The following XRCC3 variants were observed in gnomAD, a reference collection of about 807,000 sequenced individuals.
The protein encoded by XRCC3 is DNA repair protein XRCC3.
In XRCC3, 34 loss-of-function variants were observed where a neutral mutation model predicts 29.2. The observed-to-expected ratio is 1.16, with a 90% CI of 0.88 to 1.55. XRCC3 has a LOEUF of 1.55. Ranked by LOEUF, XRCC3 falls within the 40% of genes most tolerant of loss-of-function variation. The pLI, the probability that XRCC3 is intolerant of heterozygous loss-of-function variation, is 0.00. For missense variants in XRCC3, 463 were observed against 467.6 expected, an observed-to-expected ratio of 0.99 and a Z score of 0.09; for synonymous variants, 223 against 211.3, an observed-to-expected ratio of 1.06 and a Z score of -0.48.
intron 1 of XRCC3, among the ~76,000 whole-genome samples, chr14:103,714,516 G>A (rs115223671): frequency 0.018 from 2,700 of 151,622 alleles, 92 homozygotes; most frequent in African/African-American, 0.063. Context: ...TGGCGCTTGC[G>A]GTCCCAGCTA....
chr14:103,700,336 C>G (rs1467435816), intron 7 of XRCC3: 1 of 311,782 alleles, frequency 3.2e-6, no homozygotes, highest in Non-Finnish European at 5.9e-6. Flanking sequence ...GGCAGGTGTC[C>G]TCGGCCTCCC....
intron 1 of XRCC3, chr14:103,713,629 G>C (rs2083707004): frequency 6.6e-6 from 1 of 152,412 alleles, no homozygotes; most frequent in Non-Finnish European, 1.5e-5. Context: ...CGTGGTTACT[G>C]CCTGGAGCTG....
chr14:103,710,564 C>T (rs780669008), intron 4 of XRCC3: 7 of 162,106 alleles, frequency 4.3e-5, no homozygotes, highest in East Asian at 1.8e-4. Context: ...AACAGTGAAA[C>T]CCTGTCTCTA....
rs762177393 is a variant in XRCC3 at position 103,698,793 on chromosome 14, C to T, written c.*5G>A. The T allele has an allele frequency of 6.9e-6, 11 of 1,589,614 alleles. No homozygotes were observed. In the South Asian group the frequency reaches 1.1e-4, roughly 16 times the overall value. Reference sequence around the variant, plus strand: ...AGGCAGGGCTGTTGTGCAGCCGCCACCGTGTCAGTGGGACTGGGTCCCAGG... The same window carrying T: ...AGGCAGGGCTGTTGTGCAGCCGCCATCGTGTCAGTGGGACTGGGTCCCAGG... On this transcript the variant is annotated 3_prime_UTR_variant, in exon 10 of 10. Coordinates refer to ENST00000555055, the MANE Select transcript of XRCC3 (RefSeq NM_005432.4).
At chr14:103,710,810 T>C (rs949581829) in intron 4 of XRCC3, 9 of 573,460 alleles carry the variant, frequency 1.6e-5, no homozygotes, top group Non-Finnish European at 2.8e-5. Context: ...ATGTATTACT[T>C]TGATAAAAAT....
chr14:103,712,969 CTG>C (rs1298626891), intron 1 of XRCC3, 38 bp from the exon 2 acceptor site: 2 of 152,370 alleles, frequency 1.3e-5, no homozygotes, highest in East Asian at 3.9e-4. Context: ...GGCTCAAAGT[CTG>C]TTTAGTGACG....
rs566655808 is a variant in XRCC3 at position 103,706,948 on chromosome 14, C to T, written c.406+55G>A. ...CCCACCTCAACGGAAAGCTGTCCCACACAAAGCAGGGGCCGCCCACCTGCC... is the reference window on the plus strand; with the variant it reads ...CCCACCTCAACGGAAAGCTGTCCCATACAAAGCAGGGGCCGCCCACCTGCC... On this transcript the variant is annotated intron_variant, in intron 6 of 9. Coordinates refer to ENST00000555055, the MANE Select transcript of XRCC3 (RefSeq NM_005432.4). 8.8e-5 allele frequency: 134 copies of T among 1,527,156 alleles called. No individual in the cohort carries two copies. The African/African-American group carries it at 1.6e-3, about 18-fold the overall frequency. 94.6% of individuals were successfully genotyped at this position (1,527,156 alleles called of 1,614,324 possible). A position where few individuals can be genotyped will look rare whatever the true frequency, so the allele number is the denominator to read the frequency against.
chr14:103,701,305 C>A, intron 7 of XRCC3: 1 of 1,231,954 alleles, frequency 8.1e-7, no homozygotes, highest in Non-Finnish European at 1.1e-6. Context: ...GGAGCCGCAG[C>A]GCTCACTCAT....
At chr14:103,706,144 C>T in intron 6 of XRCC3, 1 of 355,932 alleles carries the variant, frequency 2.8e-6, no homozygotes, top group Non-Finnish European at 5.6e-6. Context: ...ACCCCTCACC[C>T]TCCACCCAGC....
intron 6 of XRCC3, chr14:103,703,565 A>G: frequency 1.8e-6 from 1 of 555,564 alleles, no homozygotes; most frequent in Admixed American, 2.9e-5. Flanking sequence ...TCTGACACCC[A>G]GGCAAGGACT....
chr14:103,703,388 CA>C lies in XRCC3; in HGVS notation c.407-62del, dbSNP rs1256912268. The C allele has an allele frequency of 2.0e-6, 3 of 1,502,916 alleles. No homozygotes were observed. The African/African-American group carries it at 4.1e-5, about 21-fold the overall frequency. The allele number at this position is 1,502,916 out of a possible 1,614,324, so 93.1% of individuals were successfully genotyped here. On this transcript the variant is annotated intron_variant, in intron 6 of 9. Coordinates refer to ENST00000555055, the MANE Select transcript of XRCC3 (RefSeq NM_005432.4). ...TCCAGACGGGCCTGTGACTGCCACA[CA>C]AATCAAGTGCAGATGTCTCCCGCCA... is the stretch of plus-strand genomic sequence containing the variant.
In XRCC3 at chr14:103,707,152, C is replaced by T. The variant is rs953627555; in HGVS notation, c.257G>A (p.Cys86Tyr). 2 of 1,549,574 alleles carry T rather than the reference C, an allele frequency of 1.3e-6. No individual in the cohort carries two copies. Among genetic ancestry groups the T allele is most frequent in the African/African-American group, 2.7e-5 (2 of 73,164 alleles). The change falls in exon 6 of 10, where the codon TGC (cysteine) becomes TAC (tyrosine). Residue 86 changes from cysteine (C) to tyrosine (Y), a missense_variant. Physicochemically the swap from Cys to Tyr is radical, Grantham distance 194 (BLOSUM62 -2). Coordinates refer to ENST00000555055, the MANE Select transcript of XRCC3 (RefSeq NM_005432.4). ...GCGGAGCAGCGCGTCCAGCACCGGG[C>T]AGCCCAGGCTCAGGCGCTGGTGCTG... ...PTQHQRLSLGCPVLDALLRGG... is the reference protein window; with the variant it reads ...PTQHQRLSLGYPVLDALLRGG...
rs372174239 is a variant in XRCC3, at chr14:103,702,202, C to CTGCT, written c.561+967_561+970dup. ...TCCACTGGCCCCCGGTGAGTGGCCC[C>CTGCT]TGCTCTCTGCAAGGCCCTGCCATAG... is the stretch of plus-strand genomic sequence containing the variant. On this transcript the variant is annotated intron_variant, in intron 7 of 9. Transcript: ENST00000555055. 5.4e-3 allele frequency: 832 copies of CTGCT among 152,738 alleles called. 11 individuals carry two copies. The highest frequency in any genetic ancestry group is 0.019 in the African/African-American group (789 of 41,572). The allele number at this position is 152,738 out of a possible 1,614,324, so 9.5% of individuals were successfully genotyped here. A position where few individuals can be genotyped will look rare whatever the true frequency, so the allele number is the denominator to read the frequency against.
intron 7 of XRCC3, chr14:103,700,769 G>C (rs1450105684): frequency 6.7e-7 from 1 of 1,482,594 alleles, no homozygotes; most frequent in Non-Finnish European, 9.2e-7. Flanking sequence ...AGGCAGCTGG[G>C]CCAGGGAGGG....
At chr14:103,707,538 A>T (rs1257735674) in intron 5 of XRCC3, 1 of 456,050 alleles carries the variant, frequency 2.2e-6, no homozygotes, top group African/African-American at 2.0e-5. Flanking sequence ...AACAGCCTCC[A>T]TGTGAAGAAA....
intron 4 of XRCC3, chr14:103,709,775 T>C (rs980500619): frequency 1.1e-4 from 16 of 152,242 alleles, no homozygotes; most frequent in African/African-American, 3.4e-4. Flanking sequence ...TCTGGAAACA[T>C]TGGTTTTTGG....
At chr14:103,702,848 C>T (rs994893026) in intron 7 of XRCC3, 4 of 382,708 alleles carry the variant, frequency 1.0e-5, no homozygotes, top group African/African-American at 6.2e-5. Context: ...CCCTGCTCTC[C>T]GTATCCAGTC....
rs1393196612 is a variant in XRCC3 at position 103,707,154 on chromosome 14, GC to G, written c.254del (p.Gly85AlafsTer110). 1.3e-6 allele frequency: 2 copies of G among 1,549,490 alleles called. No individual in the cohort carries two copies. Among genetic ancestry groups the G allele is most frequent in the Non-Finnish European group, 1.7e-6 (2 of 1,146,810 alleles). On this transcript the variant is annotated frameshift_variant, in exon 6 of 10. Coordinates refer to ENST00000555055, the MANE Select transcript of XRCC3 (RefSeq NM_005432.4). LOFTEE classifies it high-confidence loss of function. ...FPTQHQRLSL[G>X]CPVLDALLRG... ...GGAGCAGCGCGTCCAGCACCGGGCA[GC>G]CCAGGCTCAGGCGCTGGTGCTGCGT...
chr14:103,699,052 G>C, intron 9 of XRCC3, 35 bp from the exon 10 acceptor site: 3 of 1,566,156 alleles, frequency 1.9e-6, no homozygotes, highest in Non-Finnish European at 2.6e-6. Context: ...TGGCGCTCAG[G>C]CTTGGTGGCC....
Sources: allele counts gnomAD v4.1 joint callset (sites outside exome capture counted in the v4.1 genomes callset), GRCh38; gene constraint gnomAD v4.1.1; transcripts MANE v1.5; gene names NCBI Gene and HGNC (gene_info 2026-07-23, HGNC 2026-07-21).